OPA1: variants seen among roughly 807,000 people sequenced by gnomAD.
The protein encoded by OPA1 is dynamin-like GTPase OPA1, mitochondrial.
A neutral mutation model predicts 152.9 loss-of-function variants in OPA1; 59 were observed. The ratio of observed to expected loss-of-function variants is 0.39; its 90% CI spans 0.31 to 0.48. The LOEUF is 0.48. Ranked by LOEUF, OPA1 falls within the 20% of genes least tolerant of loss-of-function variation. The pLI, the probability that OPA1 is intolerant of heterozygous loss-of-function variation, is 0.96. For synonymous variants in OPA1, 400 were observed against 389.9 expected (o/e 1.03, Z -0.31); for missense variants, 1,008 against 1,216.8 (o/e 0.83, Z 2.55).
At chr3:193,637,876 G>A in intron 10 of OPA1, 76 bp from the exon 11 acceptor site, 3 of 1,173,828 alleles carry the variant, frequency 2.6e-6, no homozygotes, top group East Asian at 4.8e-5. Context: ...AAAACTCAGA[G>A]CAGCATTACA....
chr3:193,613,586 T>G (rs530359203), intron 1 of OPA1, among the ~76,000 whole-genome samples: 3 of 150,642 alleles, frequency 2.0e-5, no homozygotes, highest in African/African-American at 4.9e-5. Context: ...TGTTTGTTTG[T>G]TTTTTTTTGG....
chr3:193,645,790 A>C lies in OPA1; in HGVS notation c.1744A>C (p.Lys582Gln), dbSNP rs766935532. ...EYEEEFFQNS[K>Q]LLKTSMLKAH... ...TGAAGAAGAGTTTTTTCAGAATTCA[A>C]AGCTCCTAAAGTAGGTATCTTGTTA... Residue 582 changes from lysine (K) to glutamine (Q), a missense_variant, in exon 18 of 31, where the codon AAG (lysine) becomes CAG (glutamine). Coordinates refer to ENST00000361510, the MANE Select transcript of OPA1 (RefSeq NM_130837.3). 2 of 1,610,264 alleles carry C rather than the reference A, an allele frequency of 1.2e-6. No homozygotes were observed. Among genetic ancestry groups the C allele is most frequent in the African/African-American group, 2.7e-5 (2 of 74,866 alleles).
intron 1 of OPA1, among the ~76,000 whole-genome samples, chr3:193,601,885 G>C (rs1309986828): frequency 1.3e-5 from 2 of 152,128 alleles, no homozygotes; most frequent in East Asian, 3.9e-4. Flanking sequence ...ATTGGGAAAC[G>C]TGGAGGGGCA....
intron 11 of OPA1, among the ~76,000 whole-genome samples, chr3:193,641,024 C>T (rs540706103): frequency 1.3e-5 from 2 of 152,204 alleles, no homozygotes; most frequent in African/African-American, 4.8e-5. Flanking sequence ...ATCCATTTTA[C>T]TACCGATGGG....
At chr3:193,677,974 G>T (rs1441479872) in intron 29 of OPA1, among the ~76,000 whole-genome samples, 3 of 152,156 alleles carry the variant, frequency 2.0e-5, no homozygotes, top group Non-Finnish European at 4.4e-5. Flanking sequence ...ATGCATCATG[G>T]ATCTATCATC....
chr3:193,606,473 G>T, intron 1 of OPA1, among the ~76,000 whole-genome samples: 1 of 143,068 alleles, frequency 7.0e-6, no homozygotes, highest in East Asian at 2.1e-4. Context: ...GTGTCCAAGT[G>T]TTCTCACTGT....
chr3:193,636,040 C>T (rs776206676), intron 9 of OPA1, among the ~76,000 whole-genome samples: 1 of 152,126 alleles, frequency 6.6e-6, no homozygotes, highest in Non-Finnish European at 1.5e-5. Context: ...ACCAATAAAT[C>T]AAGTCTTACT....
intron 1 of OPA1, among the ~76,000 whole-genome samples, chr3:193,611,920 G>C (rs1055735073): frequency 1.3e-5 from 2 of 152,104 alleles, no homozygotes; most frequent in African/African-American, 4.8e-5. Context: ...ATGTTAAAAG[G>C]TTTTCAGCGA....
chr3:193,658,924 T>C lies in OPA1; in HGVS notation c.2369T>C (p.Ile790Thr), dbSNP rs1235460617. 1 of 1,613,972 alleles carries C rather than the reference T, an allele frequency of 6.2e-7. No homozygotes were observed. Among genetic ancestry groups the C allele is most frequent in the South Asian group, 1.1e-5 (1 of 91,078 alleles). The change falls in exon 24 of 31, where the codon ATA (isoleucine) becomes ACA (threonine). Residue 790 changes from isoleucine to threonine, a missense_variant. This residue lies in a region of OPA1 where 229 missense variants were observed against 269.0 expected (regional missense o/e 0.85). Transcript: ENST00000361510. ...IQHNALEDRS[I>T]SDKQQWDAAI... ...CACAATGCTTTGGAAGACCGATCCA[T>C]ATCTGATAAACAGCAATGGGATGCA...
At chr3:193,692,805 G>C (rs1721859093) in intron 30 of OPA1, among the ~76,000 whole-genome samples, 1 of 152,238 alleles carries the variant, frequency 6.6e-6, no homozygotes, top group Admixed American at 6.5e-5. Flanking sequence ...CACCCAGGCT[G>C]GAGTGCAGTA....
chr3:193,685,082 ACG>A (rs1720749693), intron 29 of OPA1, among the ~76,000 whole-genome samples: 1 of 152,178 alleles, frequency 6.6e-6, no homozygotes, highest in South Asian at 2.1e-4. Flanking sequence ...CAGGTGGATC[ACG>A]AGGTCAGGAG....
chr3:193,611,208 A>G (rs937070354), intron 1 of OPA1, among the ~76,000 whole-genome samples: 2 of 152,158 alleles, frequency 1.3e-5, no homozygotes, highest in African/African-American at 4.8e-5. Context: ...TGAGAACGAG[A>G]TGGTCCCTTT....
chr3:193,647,119 A>G lies in OPA1; in HGVS notation c.1809A>G (p.Val603=), dbSNP rs907504834. The change falls in exon 19 of 31, where the codon GTA becomes GTG. Residue 603 remains valine, a synonymous_variant. Coordinates refer to ENST00000361510, the MANE Select transcript of OPA1 (RefSeq NM_130837.3). The part of the protein sequence containing the change: ...QVTTRNLSLA[V]SDCFWKMVRE... ...CTACAAGAAATTTAAGCCTTGCAGT[A>G]TCAGACTGCTTTTGGAAAATGGTAC... is the stretch of plus-strand genomic sequence containing the variant. 8.7e-6 allele frequency: 14 copies of G among 1,613,560 alleles called. No homozygotes were observed. The highest frequency in any genetic ancestry group is 1.3e-5 in the African/African-American group (1 of 74,946).
chr3:193,638,585 T>C (rs947286393), intron 11 of OPA1, among the ~76,000 whole-genome samples: 25 of 152,222 alleles, frequency 1.6e-4, no homozygotes, highest in African/African-American at 6.0e-4. Context: ...ATAAAAACTG[T>C]TCTTAGAGTT....
chr3:193,695,190 C>G lies in OPA1; in HGVS notation c.*590C>G, dbSNP rs1040543244. 2 of 152,138 alleles carry G rather than the reference C, an allele frequency of 1.3e-5. No homozygotes were observed. Among genetic ancestry groups the G allele is most frequent in the African/African-American group, 4.8e-5 (2 of 41,440 alleles). The allele number at this position is 152,138 out of a possible 1,614,324, so 9.4% of individuals were successfully genotyped here. A position where few individuals can be genotyped will look rare whatever the true frequency, so the allele number is the denominator to read the frequency against. ...ACAGGTTAATTTGGATTGTAACGTT[C>G]AGTGAAAGAAATTTCAACCCTTCAT... On this transcript the variant is annotated 3_prime_UTR_variant, in exon 31 of 31. Coordinates refer to ENST00000361510, the MANE Select transcript of OPA1 (RefSeq NM_130837.3).
At position 193,602,124 on chromosome 3, in the gene OPA1, A is replaced by G. The variant is rs117184886; in HGVS notation, c.32+8715A>G. Among the ~76,000 whole-genome samples, 426 of 152,322 alleles carry G rather than the reference A, an allele frequency of 2.8e-3. 3 individuals carry two copies. The highest frequency in any genetic ancestry group is 0.017 in the South Asian group (81 of 4,830). On this transcript the variant is annotated intron_variant, in intron 1 of 30. Coordinates refer to ENST00000361510, the MANE Select transcript of OPA1 (RefSeq NM_130837.3). The stretch of plus-strand genomic sequence containing the variant: ...AAGTCTTGATCTGTGATCTAGGGAA[A>G]GCTGTCTGTAACCAGGATGCTGTCT...
chr3:193,616,745 T>G (rs1213564529), intron 3 of OPA1, among the ~76,000 whole-genome samples: 1 of 152,014 alleles, frequency 6.6e-6, no homozygotes, highest in Non-Finnish European at 1.5e-5. Flanking sequence ...TTCATCAAAT[T>G]TTTTTAAAAC....
chr3:193,682,724 A>C (rs1720342575), intron 29 of OPA1, among the ~76,000 whole-genome samples: 1 of 152,190 alleles, frequency 6.6e-6, no homozygotes, highest in Non-Finnish European at 1.5e-5. Context: ...AGCATGGTTT[A>C]CTGAATATTA....
intron 8 of OPA1, among the ~76,000 whole-genome samples, chr3:193,632,718 A>T (rs1005258514): frequency 2.0e-5 from 3 of 152,028 alleles, no homozygotes; most frequent in East Asian, 1.9e-4. Context: ...AAATTTTTTT[A>T]AAAATTAGCC....
Sources: gnomAD v4.1 joint callset for allele counts (sites outside exome capture counted in the v4.1 genomes callset) on GRCh38, gnomAD v4.1.1 for gene constraint, gnomAD v4.1.1 regional missense constraint, MANE v1.5 for transcripts, NCBI Gene and HGNC (gene_info 2026-07-23, HGNC 2026-07-21) for gene names.